Variants in MAP2K6 observed in about 807,000 individuals in gnomAD.
MAP2K6 encodes mitogen-activated protein kinase kinase 6.
In MAP2K6, 16 loss-of-function variants were observed where a neutral mutation model predicts 53.7. The observed-to-expected ratio is 0.30, with a 90% confidence interval of 0.20 to 0.45. The LOEUF is 0.45. Among genes scored for constraint, MAP2K6 ranks in the 20% least tolerant of loss-of-function variants. The probability of loss-of-function intolerance (pLI) is 1.00; values close to 1 mark genes in which losing one functional copy is unlikely to be tolerated. For synonymous variants in MAP2K6, 132 were observed against 143.1 expected (o/e 0.92, Z 0.55); for missense variants, 204 against 411.9 (o/e 0.50, Z 4.37).
chr17:69,534,691 G>A (rs766303007), intron 10 of MAP2K6, among the ~76,000 whole-genome samples: 6 of 151,916 alleles, frequency 3.9e-5, no homozygotes, highest in Non-Finnish European at 7.4e-5. Flanking sequence ...CAGAGCTCAC[G>A]TCACACATGC....
At chr17:69,493,253 T>A (rs1567838384) in intron 1 of MAP2K6, among the ~76,000 whole-genome samples, 1 of 151,952 alleles carries the variant, frequency 6.6e-6, no homozygotes, top group Non-Finnish European at 1.5e-5. Flanking sequence ...CATAAAAGAA[T>A]GTAAAAATTT....
intron 1 of MAP2K6, among the ~76,000 whole-genome samples, chr17:69,487,896 T>C (rs1379962226): frequency 6.6e-6 from 1 of 152,214 alleles, no homozygotes; most frequent in Non-Finnish European, 1.5e-5. Flanking sequence ...GAAAATCTTA[T>C]GAAATTACTG....
At chr17:69,475,203 G>A (rs901390583) in intron 1 of MAP2K6, among the ~76,000 whole-genome samples, 31 of 120,702 alleles carry the variant, frequency 2.6e-4, no homozygotes, top group Non-Finnish European at 3.7e-4. Flanking sequence ...GAGTCTCACT[G>A]TGTCTCCCAG....
Position 69,414,956 on chromosome 17 carries a change from T to A in MAP2K6, c.-29T>A. The A allele has an allele frequency of 6.5e-7, 1 of 1,540,552 alleles. No homozygotes were observed. On this transcript the variant is annotated 5_prime_UTR_variant, in exon 1 of 12. Coordinates refer to ENST00000590474, the MANE Select transcript of MAP2K6 (RefSeq NM_002758.4). ...AGAAGCAAGGCAAAGTCTTTTGTGC[T>A]CCCCTCCCCCATCAAAGGAAAGGGG...
rs1365849427 is a variant in MAP2K6, at chr17:69,529,873, CT to C, written c.881+3166del. Among the ~76,000 whole-genome samples, 3 of 152,264 alleles carry C rather than the reference CT, an allele frequency of 2.0e-5. No homozygotes were observed. The East Asian group carries it at 5.8e-4, about 29-fold the overall frequency. On this transcript the variant is annotated intron_variant, in intron 10 of 11. Transcript: ENST00000590474. ...AGTTCCAGATACCGGCATCATTGCT[CT>C]TCATATAATGACTGCCCTGTGCCTT...
chr17:69,534,435 T>C (rs2144857125), intron 10 of MAP2K6, among the ~76,000 whole-genome samples: 1 of 152,292 alleles, frequency 6.6e-6, no homozygotes, highest in Middle Eastern at 3.4e-3. Flanking sequence ...CAGTTCCAGG[T>C]TGAAACTTCT....
chr17:69,421,873 C>T (rs910798073), intron 1 of MAP2K6, among the ~76,000 whole-genome samples: 3 of 151,718 alleles, frequency 2.0e-5, no homozygotes, highest in Admixed American at 6.6e-5. Flanking sequence ...GCTGGCTGCC[C>T]TCTAACAAAA....
In MAP2K6 at chr17:69,534,562, CT is replaced by C. The variant is rs1223900212; in HGVS notation, c.882-1539del. On this transcript the variant is annotated intron_variant, in intron 10 of 11. Transcript: ENST00000590474. The stretch of plus-strand genomic sequence containing the variant: ...TTTGGTTCAAAAACTTTCTCTCTCT[CT>C]TTTTTTTTTTTTTAATTTTATTTCG... Among the ~76,000 whole-genome samples, 894 of 117,110 alleles carry C rather than the reference CT, an allele frequency of 7.6e-3. 3 individuals carry two copies. Among genetic ancestry groups the C allele is most frequent in the African/African-American group, 0.01 (369 of 35,508 alleles). The allele number at this position is 117,110 out of a possible 152,430, so 76.8% of individuals were successfully genotyped here.
At chr17:69,534,679 G>T (rs1911267380) in intron 10 of MAP2K6, among the ~76,000 whole-genome samples, 1 of 151,992 alleles carries the variant, frequency 6.6e-6, no homozygotes, top group Non-Finnish European at 1.5e-5. Flanking sequence ...CGGAGGGTGA[G>T]GCAGAGCTCA....
chr17:69,490,508 G>A (rs778302207), intron 1 of MAP2K6, among the ~76,000 whole-genome samples: 21 of 152,114 alleles, frequency 1.4e-4, no homozygotes, highest in Non-Finnish European at 2.9e-4. Flanking sequence ...AGGAAGAGAA[G>A]AGCATGGGAA....
intron 1 of MAP2K6, among the ~76,000 whole-genome samples, chr17:69,443,527 C>T (rs939272536): frequency 2.6e-5 from 4 of 152,182 alleles, no homozygotes; most frequent in Admixed American, 6.5e-5. Flanking sequence ...GGTTATTCTA[C>T]AGTAGTTCTC....
Position 69,541,684 on chromosome 17 carries a change from A to T in MAP2K6, c.936A>T (p.Pro312=), listed in dbSNP as rs749767279. 1.8e-5 allele frequency: 29 copies of T among 1,611,636 alleles called. No homozygotes were observed. The highest frequency in any genetic ancestry group is 1.3e-5 in the Non-Finnish European group (15 of 1,178,442). The change falls in exon 12 of 12, where the codon CCA becomes CCT. Residue 312 remains proline (P), a synonymous_variant. Coordinates refer to ENST00000590474, the MANE Select transcript of MAP2K6 (RefSeq NM_002758.4). The part of the protein sequence containing the change: ...RPTYPELMQH[P]FFTLHESKGT... ...TTCTTTTTCTTTTCCAGCAACATCC[A>T]TTTTTCACCCTACATGAATCCAAAG...
intron 2 of MAP2K6, among the ~76,000 whole-genome samples, chr17:69,511,085 A>T (rs1479303515): frequency 6.6e-6 from 1 of 152,162 alleles, no homozygotes; most frequent in Non-Finnish European, 1.5e-5. Context: ...TGTTAATTTT[A>T]TAAATTTTAT....
At chr17:69,490,561 TG>T (rs1908702103) in intron 1 of MAP2K6, among the ~76,000 whole-genome samples, 2 of 152,144 alleles carry the variant, frequency 1.3e-5, no homozygotes, top group Non-Finnish European at 2.9e-5. Flanking sequence ...AGTGTGGGTG[TG>T]GCAGGAAGGA....
intron 1 of MAP2K6, among the ~76,000 whole-genome samples, chr17:69,468,677 G>C (rs976578775): frequency 6.6e-6 from 1 of 152,208 alleles, no homozygotes; most frequent in Non-Finnish European, 1.5e-5. Flanking sequence ...AGCCAGGGGT[G>C]TCCAAAGGAG....
intron 2 of MAP2K6, among the ~76,000 whole-genome samples, chr17:69,509,286 AT>A (rs1909686922): frequency 6.6e-6 from 1 of 152,158 alleles, no homozygotes; most frequent in African/African-American, 2.4e-5. Context: ...TTTCATCAGC[AT>A]TTTTATAATA....
chr17:69,505,329 G>A, intron 1 of MAP2K6: 1 of 157,972 alleles, frequency 6.3e-6, no homozygotes, highest in East Asian at 1.9e-4. Flanking sequence ...TGTAATCCCA[G>A]CTCCTCAGGA....
intron 2 of MAP2K6, among the ~76,000 whole-genome samples, chr17:69,507,079 C>T (rs1909539598): frequency 6.6e-6 from 1 of 151,762 alleles, no homozygotes; most frequent in Non-Finnish European, 1.5e-5. Context: ...AATATGTGGC[C>T]TACTTTTACT....
intron 1 of MAP2K6, among the ~76,000 whole-genome samples, chr17:69,496,595 C>T (rs1598290572): frequency 1.3e-5 from 2 of 152,286 alleles, no homozygotes; most frequent in East Asian, 3.9e-4. Flanking sequence ...TCTCGAACTC[C>T]TGACCTAAAG....
Sources: allele counts gnomAD v4.1 joint callset (sites outside exome capture counted in the v4.1 genomes callset), GRCh38; gene constraint gnomAD v4.1.1; transcripts MANE v1.5; gene names NCBI Gene and HGNC (gene_info 2026-07-23, HGNC 2026-07-21).